The following FCMR variants were observed in gnomAD, a reference collection of about 807,000 sequenced individuals.
FCMR encodes the protein immunoglobulin mu Fc receptor.
In FCMR, 34 loss-of-function variants were observed where a neutral mutation model predicts 41.6. The observed-to-expected ratio is 0.82, with a 90% confidence interval of 0.62 to 1.09. The LOEUF (loss-of-function observed/expected upper bound fraction) is 1.09, where lower values mean the gene tolerates loss of function less well. FCMR is among the 50% of genes least tolerant of loss of function. FCMR has a pLI of 0.00. For missense variants in FCMR, 496 were observed against 512.5 expected (o/e 0.97, Z 0.31); for synonymous variants, 209 against 211.8 (o/e 0.99, Z 0.12).
At chr1:206,914,329 CCTTCCTTCCTTCCTTCCTTCCTTCCTTT>C (rs1036429201) in intron 1 of FCMR, among the ~76,000 whole-genome samples, 10 of 31,546 alleles carry the variant, frequency 3.2e-4, no homozygotes, top group African/African-American at 7.6e-4. Context: ...TTCCTTCCTT[CCTTCCTTCCTTCCTTCCTTCCTTCCTTT>C]CTTTCTTTTT....
intron 7 of FCMR, chr1:206,906,202 A>G (rs543090767): frequency 2.0e-6 from 1 of 490,860 alleles, no homozygotes; most frequent in Admixed American, 2.2e-5. Flanking sequence ...TAACCAGCAC[A>G]TAACAATAGG....
At position 206,905,867 on chromosome 1, in the gene FCMR, T is replaced by C. The variant is rs1200651799; in HGVS notation, c.1045-720A>G. 3.7e-5 allele frequency: 6 copies of C among 162,928 alleles called. No individual in the cohort carries two copies. The Admixed American group carries it at 3.8e-4, about 10-fold the overall frequency. The allele number at this position is 162,928 out of a possible 1,614,324, so 10.1% of individuals were successfully genotyped here. On this transcript the variant is annotated intron_variant, in intron 7 of 7. Transcript: ENST00000367091. ...AAGTACTCATTGAAAGGAACTTTTA[T>C]ATATTTTGTACTTTACTAAAGAGGG...
rs1466768562 is a variant in FCMR at position 206,908,115 on chromosome 1, C to A, written c.1044+1347G>T. The A allele has an allele frequency of 4.9e-6, 6 of 1,218,024 alleles. No individual in the cohort carries two copies. In the East Asian group the frequency reaches 1.2e-4, roughly 24 times the overall value. 75.5% of individuals were successfully genotyped at this position (1,218,024 alleles called of 1,614,324 possible). A position where few individuals can be genotyped will look rare whatever the true frequency, so the allele number is the denominator to read the frequency against. Reference sequence around the variant, plus strand: ...AGAAGTGGAAGGAGAAGGCCAAGTTCCACTACAGGAAGAAGAAACAGCTCA... The same window carrying A: ...AGAAGTGGAAGGAGAAGGCCAAGTTACACTACAGGAAGAAGAAACAGCTCA... On this transcript the variant is annotated intron_variant, in intron 7 of 7. Coordinates refer to ENST00000367091, the MANE Select transcript of FCMR (RefSeq NM_005449.5).
intron 2 of FCMR, 121 bp downstream of exon 2, chr1:206,913,638 G>T: frequency 1.3e-6 from 1 of 744,354 alleles, no homozygotes; most frequent in Non-Finnish European, 2.3e-6. Flanking sequence ...CAATCATTAT[G>T]TGGCTTATAT....
chr1:206,921,812 A>G lies in FCMR; in HGVS notation c.37+6T>C. The G allele has an allele frequency of 6.2e-7, 1 of 1,613,966 alleles. No individual in the cohort carries two copies. The highest frequency in any genetic ancestry group is 8.5e-7 in the Non-Finnish European group (1 of 1,179,824). On this transcript the variant is annotated splice_donor_region_variant and intron_variant, in intron 1 of 7. Transcript: ENST00000367091. ...GAGGTCTGAAGTGTTTCCCCACGGT[A>G]CTTACCTGGCAGGAAGTAAAGTGGC...
At chr1:206,922,164 T>G, upstream of FCMR, among the ~76,000 whole-genome samples, 1 of 152,200 alleles carries the variant, frequency 6.6e-6, no homozygotes, top group Admixed American at 6.5e-5. Context: ...TGACCAGGCC[T>G]GATATTCCTT....
upstream of FCMR, among the ~76,000 whole-genome samples, chr1:206,922,381 C>T (rs1304098328): frequency 6.6e-6 from 1 of 152,216 alleles, no homozygotes; most frequent in Non-Finnish European, 1.5e-5. Context: ...CCAGTTAACT[C>T]ACCTTTACAA....
At chr1:206,907,103 T>TGGGGGGGGGGGG (rs75679471) in intron 7 of FCMR, among the ~76,000 whole-genome samples, 2 of 43,394 alleles carry the variant, frequency 4.6e-5, no homozygotes, top group East Asian at 8.1e-4. Flanking sequence ...GGTGGGGGGG[T>TGGGGGGGGGGGG]GGGGGGGGGG....
At chr1:206,917,697 G>C (rs1679250589) in intron 1 of FCMR, 6 of 404,308 alleles carry the variant, frequency 1.5e-5, no homozygotes, top group Admixed American at 6.1e-5. Context: ...TGCAATCTTG[G>C]CTCACTGCAG....
In FCMR at chr1:206,910,230, C is replaced by G; in HGVS notation, c.821G>C (p.Arg274Thr). The change falls in exon 5 of 8, where the codon AGG becomes ACG. Residue 274 changes from arginine (R) to threonine (T), a missense_variant. Coordinates refer to ENST00000367091, the MANE Select transcript of FCMR (RefSeq NM_005449.5). Reference protein sequence around the residue: ...LLALLGLVVKRAVERRKALSR... With the variant: ...LLALLGLVVKTAVERRKALSR... ...CTCACCTTTCCTCCTTTCAACGGCCCTTTTCACCACCAGCCCCAGAAGTGC... is the reference window on the plus strand; with the variant it reads ...CTCACCTTTCCTCCTTTCAACGGCCGTTTTCACCACCAGCCCCAGAAGTGC... The G allele has an allele frequency of 6.2e-7, 1 of 1,603,016 alleles. No individual in the cohort carries two copies.
rs371931391 is a variant in FCMR at position 206,908,036 on chromosome 1, G to T, written c.1044+1426C>A. 66 of 1,257,638 alleles carry T rather than the reference G, an allele frequency of 5.2e-5. No individual in the cohort carries two copies. In the African/African-American group the frequency reaches 8.4e-4, roughly 16 times the overall value. 77.9% of individuals were successfully genotyped at this position (1,257,638 alleles called of 1,614,324 possible). The stretch of plus-strand genomic sequence containing the variant: ...ACAAGAAAGTTTGCCTATCTGGAGC[G>T]CCTGGCTCACGATGGTGGCTGGAAG... On this transcript the variant is annotated intron_variant, in intron 7 of 7. Coordinates refer to ENST00000367091, the MANE Select transcript of FCMR (RefSeq NM_005449.5).
intron 7 of FCMR, among the ~76,000 whole-genome samples, chr1:206,907,465 C>G (rs1678716453): frequency 6.6e-6 from 1 of 152,196 alleles, no homozygotes; most frequent in Non-Finnish European, 1.5e-5. Flanking sequence ...CTCACTGGCT[C>G]AGGCCACCTC....
At position 206,920,802 on chromosome 1, in the gene FCMR, T is replaced by C. The variant is rs534884829; in HGVS notation, c.37+1016A>G. On this transcript the variant is annotated intron_variant, in intron 1 of 7. Transcript: ENST00000367091. ...GAGGGGATTGTGTGTTCTTTTCCCG[T>C]CCATTTCCTCTGTTACCTTCCTAGT... Among the ~76,000 whole-genome samples the C allele has an allele frequency of 3.8e-4, 58 of 152,342 alleles. No homozygotes were observed. In the Middle Eastern group the frequency reaches 0.01, roughly 27 times the overall value.
Position 206,914,113 on chromosome 1 carries a change from A to T in FCMR, c.38-19T>A. The T allele has an allele frequency of 6.4e-7, 1 of 1,572,706 alleles. No individual in the cohort carries two copies. Among genetic ancestry groups the T allele is most frequent in the East Asian group, 2.2e-5 (1 of 44,600 alleles). The stretch of plus-strand genomic sequence containing the variant: ...CCCGATACTGCAGGGAGAGGAGATT[A>T]ATGCAGAGGGAGCCCCATCTCTAAC... On this transcript the variant is annotated intron_variant, in intron 1 of 7. Transcript: ENST00000367091.
intron 3 of FCMR, 66 bp from the exon 4 acceptor site, chr1:206,912,018 C>T: frequency 1.6e-6 from 2 of 1,251,510 alleles, no homozygotes; most frequent in South Asian, 2.6e-5. Context: ...AGGATTAGGT[C>T]ACCACCTCTT....
upstream of FCMR, among the ~76,000 whole-genome samples, chr1:206,922,207 G>A (rs756639879): frequency 1.3e-5 from 2 of 152,180 alleles, no homozygotes; most frequent in Non-Finnish European, 2.9e-5. Context: ...AGGGCCTCCC[G>A]TGCTTTATGT....
chr1:206,909,863 A>G lies in FCMR; in HGVS notation c.847T>C (p.Ser283Pro). ...KRAVERRKALSRRARRLAVRM... is the reference protein window; with the variant it reads ...KRAVERRKALPRRARRLAVRM... ...ACGGCCAGTCGGCGGGCCCGCCTGG[A>G]GAGGGCTTCCCCACAAAGCCACGGG... Residue 283 changes from serine (S) to proline (P), a missense_variant, in exon 6 of 8, where the codon TCC (serine) becomes CCC (proline). Ser to Pro is a moderately conservative substitution (Grantham distance 74). Coordinates refer to ENST00000367091, the MANE Select transcript of FCMR (RefSeq NM_005449.5). The surrounding 1 kb of genome is among the most constrained non-coding windows in gnomAD (Gnocchi z 5.0). 1.5e-6 allele frequency: 2 copies of G among 1,378,746 alleles called. No individual in the cohort carries two copies. The highest frequency in any genetic ancestry group is 1.7e-5 in the South Asian group (1 of 58,672). 85.4% of individuals were successfully genotyped at this position (1,378,746 alleles called of 1,614,324 possible). A position where few individuals can be genotyped will look rare whatever the true frequency, so the allele number is the denominator to read the frequency against.
intron 1 of FCMR, among the ~76,000 whole-genome samples, chr1:206,914,310 T>TTTCC (rs139221448): frequency 0.048 from 6,983 of 145,546 alleles, 246 homozygotes; most frequent in East Asian, 0.13. Context: ...TTTTCTTTTC[T>TTTCC]TTCCTTCCTT....
At chr1:206,914,230 GC>G in intron 1 of FCMR, 136 bp from the exon 2 acceptor site, 1 of 647,984 alleles carries the variant, frequency 1.5e-6, no homozygotes, top group Non-Finnish European at 2.7e-6. Context: ...CCCAGATCCA[GC>G]CCTGTCCCAA....
Sources: allele counts gnomAD v4.1 joint callset (sites outside exome capture counted in the v4.1 genomes callset), GRCh38; gene constraint gnomAD v4.1.1; non-coding constraint Gnocchi (gnomAD v3.1); transcripts MANE v1.5; gene names NCBI Gene and HGNC (gene_info 2026-07-23, HGNC 2026-07-21).